PIEZO2: variants seen among roughly 807,000 people sequenced by gnomAD.
PIEZO2 encodes the protein piezo-type mechanosensitive ion channel component 2.
A neutral mutation model predicts 337.3 loss-of-function variants in PIEZO2; 172 were observed. The observed-to-expected ratio is 0.51, with a 90% confidence interval of 0.45 to 0.58. PIEZO2 has a LOEUF of 0.58. Ranked by LOEUF, PIEZO2 falls within the 20% of genes least tolerant of loss-of-function variation. The pLI is 0.00. For synonymous variants in PIEZO2, 1,251 were observed against 1,228.5 expected (o/e 1.02, Z -0.38); for missense variants, 3,028 against 3,391.3 (o/e 0.89, Z 2.66).
Position 11,132,349 on chromosome 18 carries a change from T to C in PIEZO2, c.64+16176A>G, listed in dbSNP as rs1286478964. Among the ~76,000 whole-genome samples, 3 of 152,156 alleles carry C rather than the reference T, an allele frequency of 2.0e-5. No individual in the cohort carries two copies. Among genetic ancestry groups the C allele is most frequent in the East Asian group, 3.9e-4 (2 of 5,180 alleles). On this transcript the variant is annotated intron_variant, in intron 1 of 55. Coordinates refer to ENST00000674853, the MANE Select transcript of PIEZO2 (RefSeq NM_001378183.1). This position sits in a 1 kb window ranked among gnomAD's most constrained non-coding sequence, Gnocchi z 4.7. Reference sequence around the variant, plus strand: ...CATGGAATCCAATGTGCTCTTACTATATTCCCCATCATTCTGAAGCAGGTG... The same window carrying C: ...CATGGAATCCAATGTGCTCTTACTACATTCCCCATCATTCTGAAGCAGGTG...
intron 7 of PIEZO2, among the ~76,000 whole-genome samples, chr18:10,811,926 C>T (rs905746503): frequency 7.2e-5 from 11 of 152,294 alleles, no homozygotes; most frequent in East Asian, 1.9e-4. Context: ...CTCCGCCTCC[C>T]GGGTTCACAC....
chr18:10,678,160 G>A (rs984250289), intron 52 of PIEZO2, among the ~76,000 whole-genome samples: 1 of 152,206 alleles, frequency 6.6e-6, no homozygotes. Flanking sequence ...GTTTTAATAC[G>A]AGGTTCTAAA....
chr18:10,896,495 G>A (rs1367459822), intron 4 of PIEZO2, among the ~76,000 whole-genome samples: 1 of 152,156 alleles, frequency 6.6e-6, no homozygotes, highest in Admixed American at 6.5e-5. Context: ...TATTTAACTG[G>A]TCAGAGTAGA....
Position 10,845,215 on chromosome 18 carries a change from A to ATAT in PIEZO2, c.917+10137_917+10138insATA, listed in dbSNP as rs1555658888. ...GTGTGTGTGTGTATATATATATATA[A>ATAT]ACACACACACACACAACTTCAACTA... On this transcript the variant is annotated intron_variant, in intron 7 of 55. Transcript: ENST00000674853. 2.8e-3 allele frequency among the ~76,000 whole-genome samples: 341 copies of ATAT among 121,142 alleles called. 2 individuals are homozygous for ATAT. The highest frequency in any genetic ancestry group is 0.01 in the African/African-American group (330 of 32,630). 79.5% of individuals were successfully genotyped at this position (121,142 alleles called of 152,430 possible).
At chr18:10,950,436 G>A (rs1405394279) in intron 3 of PIEZO2, among the ~76,000 whole-genome samples, 1 of 151,626 alleles carries the variant, frequency 6.6e-6, no homozygotes, top group Non-Finnish European at 1.5e-5. Flanking sequence ...GGAAGACAAG[G>A]ACTGAACAAA....
chr18:10,677,821 A>T lies in PIEZO2; in HGVS notation c.8007T>A (p.Pro2669=). 1 of 1,609,968 alleles carries T rather than the reference A, an allele frequency of 6.2e-7. No individual in the cohort carries two copies. Among genetic ancestry groups the T allele is most frequent in the Non-Finnish European group, 8.5e-7 (1 of 1,179,052 alleles). ...SEIATDKLSF[P]LKNITRKNIA... ...TATTCTTTCGAGTAATATTTTTAAGAGGAAAAGAAAGCTTATCTGTTGCTA... is the reference window on the plus strand; with the variant it reads ...TATTCTTTCGAGTAATATTTTTAAGTGGAAAAGAAAGCTTATCTGTTGCTA... The change falls in exon 53 of 56, where the codon CCT becomes CCA. Residue 2669 remains proline, a synonymous_variant. Transcript: ENST00000674853. The surrounding 1 kb of genome is among the most constrained non-coding windows in gnomAD (Gnocchi z 4.1).
intron 7 of PIEZO2, among the ~76,000 whole-genome samples, chr18:10,814,258 CGT>C (rs1395157708): frequency 1.4e-3 from 217 of 152,168 alleles, no homozygotes; most frequent in Non-Finnish European, 1.2e-3. Context: ...CATGAGCCAC[CGT>C]GCCCCGTCCC....
intron 1 of PIEZO2, among the ~76,000 whole-genome samples, chr18:11,115,758 AATG>A (rs2039871672): frequency 6.6e-6 from 1 of 152,202 alleles, no homozygotes; most frequent in Non-Finnish European, 1.5e-5. Context: ...TTTATCTGGC[AATG>A]ATAATACTAG....
At chr18:11,067,139 TAACA>T (rs1390760496) in intron 1 of PIEZO2, among the ~76,000 whole-genome samples, 1 of 151,424 alleles carries the variant, frequency 6.6e-6, no homozygotes, top group Non-Finnish European at 1.5e-5. Context: ...AATCAGAAAA[TAACA>T]AACAAAATGA....
intron 2 of PIEZO2, among the ~76,000 whole-genome samples, chr18:11,030,306 C>A (rs1409349810): frequency 6.6e-6 from 1 of 152,104 alleles, no homozygotes; most frequent in Admixed American, 6.5e-5. Flanking sequence ...TTAAAAAATG[C>A]CAAAGTGAAG....
At position 11,127,765 on chromosome 18, in the gene PIEZO2, T is replaced by C. The variant is rs1447971578; in HGVS notation, c.64+20760A>G. ...TGTATATATATGACATATATAGGTA[T>C]ATATGATATATATGCATATACGTGT... On this transcript the variant is annotated intron_variant, in intron 1 of 55. Coordinates refer to ENST00000674853, the MANE Select transcript of PIEZO2 (RefSeq NM_001378183.1). This position sits in a 1 kb window ranked among gnomAD's most constrained non-coding sequence, Gnocchi z 4.5. 6.8e-6 allele frequency among the ~76,000 whole-genome samples: 1 copy of C among 147,492 alleles called. No individual in the cohort carries two copies. The highest frequency in any genetic ancestry group is 1.5e-5 in the Non-Finnish European group (1 of 67,430).
rs528050111 is a variant in PIEZO2 at position 11,086,494 on chromosome 18, G to A, written c.65-20272C>T. Among the ~76,000 whole-genome samples the A allele has an allele frequency of 2.3e-3, 339 of 146,976 alleles. 2 individuals carry two copies. Among genetic ancestry groups the A allele is most frequent in the African/African-American group, 8.2e-3 (316 of 38,676 alleles). On this transcript the variant is annotated intron_variant, in intron 1 of 55. Transcript: ENST00000674853. ...AGATCCCGCCACTGCACTCCAGCCT[G>A]GGCAACAGAGCGAGACTCCGTCTCA...
intron 22 of PIEZO2, 113 bp downstream of exon 22, chr18:10,762,809 G>T: frequency 7.4e-7 from 1 of 1,355,550 alleles, no homozygotes; most frequent in Non-Finnish European, 9.9e-7. Flanking sequence ...GCCAGGGAGA[G>T]GTGACTTACA....
Position 11,087,965 on chromosome 18 carries a change from T to C in PIEZO2, c.65-21743A>G, listed in dbSNP as rs188590198. 7.5e-4 allele frequency among the ~76,000 whole-genome samples: 114 copies of C among 152,384 alleles called. 1 individual carries two copies. The highest frequency in any genetic ancestry group is 1.5e-3 in the Non-Finnish European group (99 of 68,040). On this transcript the variant is annotated intron_variant, in intron 1 of 55. Coordinates refer to ENST00000674853, the MANE Select transcript of PIEZO2 (RefSeq NM_001378183.1). ...CTGTTCACCTTCAAATGAAGAATGC[T>C]GCTTCCTACATTTCCTTTGTGATGC...
rs1546413 is a variant in PIEZO2 at position 11,033,800 on chromosome 18, A to G, written c.160+32327T>C. 0.25 allele frequency among the ~76,000 whole-genome samples: 37,559 copies of G among 151,964 alleles called. 4,730 individuals carry two copies. The highest frequency in any genetic ancestry group is 0.37 in the East Asian group (1,893 of 5,160). On this transcript the variant is annotated intron_variant, in intron 2 of 55. Transcript: ENST00000674853. This position sits in a 1 kb window ranked among gnomAD's most constrained non-coding sequence, Gnocchi z 4.2. ...TGGTATCCGACCGAACAAGCTTGGG[A>G]TGCTCAACATAATGGAGTGCATAAT...
At chr18:10,792,794 G>T (rs1231284377) in intron 13 of PIEZO2, among the ~76,000 whole-genome samples, 1 of 152,140 alleles carries the variant, frequency 6.6e-6, no homozygotes, top group African/African-American at 2.4e-5. Flanking sequence ...AATGAACCTA[G>T]GACTGGAATT....
intron 4 of PIEZO2, among the ~76,000 whole-genome samples, chr18:10,889,211 A>G (rs912864707): frequency 2.6e-4 from 40 of 152,182 alleles, no homozygotes; most frequent in African/African-American, 8.9e-4. Flanking sequence ...TCCTTCCCCA[A>G]GTACTATCAG....
rs2038685728 is a variant in PIEZO2, at chr18:10,773,705, G to A, written c.2568-76C>T. 7.4e-7 allele frequency: 1 copy of A among 1,356,422 alleles called. No individual in the cohort carries two copies. Among genetic ancestry groups the A allele is most frequent in the Non-Finnish European group, 1.0e-6 (1 of 986,288 alleles). 84.0% of individuals were successfully genotyped at this position (1,356,422 alleles called of 1,614,324 possible). A position where few individuals can be genotyped will look rare whatever the true frequency, so the allele number is the denominator to read the frequency against. ...TTTGACTGAGGGGCAAGTAAAAGGA[G>A]GATAAACACAAATGAAATCAGTGCA... On this transcript the variant is annotated intron_variant, in intron 19 of 55. Transcript: ENST00000674853. The surrounding 1 kb of genome is among the most constrained non-coding windows in gnomAD (Gnocchi z 5.3).
chr18:10,756,397 G>C (rs1394317101), intron 27 of PIEZO2, among the ~76,000 whole-genome samples: 1 of 150,732 alleles, frequency 6.6e-6, no homozygotes, highest in Non-Finnish European at 1.5e-5. Flanking sequence ...GAAAGATGAG[G>C]AGGACGGATG....
Sources: gnomAD v4.1 joint callset for allele counts (sites outside exome capture counted in the v4.1 genomes callset) on GRCh38, gnomAD v4.1.1 for gene constraint, Gnocchi (gnomAD v3.1) non-coding constraint, MANE v1.5 for transcripts, NCBI Gene and HGNC (gene_info 2026-07-23, HGNC 2026-07-21) for gene names.